Variants in ADAM22 observed in about 807,000 individuals in gnomAD.
ADAM22 encodes the protein disintegrin and metalloproteinase domain-containing protein 22.
In ADAM22, 65 loss-of-function variants were observed where a neutral mutation model predicts 144.6. That is an observed-to-expected ratio of 0.45 (90% CI 0.37 to 0.55). The LOEUF is 0.55. ADAM22 is among the 20% of genes least tolerant of loss of function. The probability of loss-of-function intolerance (pLI) is 0.00; values close to 1 mark genes in which losing one functional copy is unlikely to be tolerated. For synonymous variants in ADAM22, 391 were observed against 412.6 expected, an observed-to-expected ratio of 0.95 and a Z score of 0.63; for missense variants, 974 against 1,184.9, an observed-to-expected ratio of 0.82 and a Z score of 2.61.
intron 3 of ADAM22, among the ~76,000 whole-genome samples, chr7:88,025,608 A>G (rs1798834325): frequency 6.6e-6 from 1 of 152,134 alleles, no homozygotes; most frequent in Non-Finnish European, 1.5e-5. Context: ...TCCCAGCACC[A>G]TTTATTGAAG....
chr7:88,200,648 C>A lies in ADAM22; in HGVS notation c.*4157C>A, dbSNP rs1214263505. ...TTTTCTAAAACTGCCACCTAAATAC[C>A]TTTCCACTCCGTTAAATGTATGGAG... is the stretch of plus-strand genomic sequence containing the variant. On this transcript the variant is annotated 3_prime_UTR_variant, in exon 32 of 32. Transcript: ENST00000413139. 1 of 152,184 alleles carries A rather than the reference C, an allele frequency of 6.6e-6. No individual in the cohort carries two copies. The highest frequency in any genetic ancestry group is 1.5e-5 in the Non-Finnish European group (1 of 68,038). The allele number at this position is 152,184 out of a possible 1,614,324, so 9.4% of individuals were successfully genotyped here.
At chr7:88,056,717 T>C (rs1259696218) in intron 3 of ADAM22, among the ~76,000 whole-genome samples, 1 of 152,232 alleles carries the variant, frequency 6.6e-6, no homozygotes, top group African/African-American at 2.4e-5. Context: ...GCAAAAAATT[T>C]AGTAATTTTC....
Position 88,163,131 on chromosome 7 carries a change from T to A in ADAM22, c.2027T>A (p.Phe676Tyr), listed in dbSNP as rs1401213781. 6.2e-7 allele frequency: 1 copy of A among 1,612,094 alleles called. No individual in the cohort carries two copies. Among genetic ancestry groups the A allele is most frequent in the Non-Finnish European group, 8.5e-7 (1 of 1,179,012 alleles). The change falls in exon 23 of 32, where the codon TTT becomes TAT. Residue 676 changes from phenylalanine (F) to tyrosine (Y), a missense_variant. This residue lies in a region of ADAM22 where 734 missense variants were observed against 950.6 expected (regional missense o/e 0.77). Transcript: ENST00000413139. ...HRCLPVASFNFSTCLSSKEGT... is the reference protein window; with the variant it reads ...HRCLPVASFNYSTCLSSKEGT... ...TGTCTTCCTGTGGCTTCTTTCAACT[T>A]TAGTACTTGCTTGAGCAGTAAAGAA...
At chr7:87,937,688 G>C (rs190402818) in intron 2 of ADAM22, among the ~76,000 whole-genome samples, 199 of 152,182 alleles carry the variant, frequency 1.3e-3, no homozygotes, top group African/African-American at 4.7e-3. Flanking sequence ...AGCTATTTTG[G>C]GTTCATAGAG....
At chr7:88,028,272 A>G (rs1036430149) in intron 3 of ADAM22, among the ~76,000 whole-genome samples, 1 of 151,980 alleles carries the variant, frequency 6.6e-6, no homozygotes. Flanking sequence ...TTTAATTTCC[A>G]TGTGTTTGTA....
At chr7:88,011,714 T>TTC (rs139701122) in intron 3 of ADAM22, among the ~76,000 whole-genome samples, 19 of 148,702 alleles carry the variant, frequency 1.3e-4, no homozygotes, top group Non-Finnish European at 1.3e-4. Context: ...TTCTTTCTCT[T>TTC]TCTCTCTCTC....
At position 88,174,076 on chromosome 7, in the gene ADAM22, C is replaced by T. The variant is rs189969403; in HGVS notation, c.2300+2515C>T. ...CAGATTCTTAATACTGTTGTAATGG[C>T]TCAGAAGTACCAAAATGGGCATAAC... On this transcript the variant is annotated intron_variant, in intron 26 of 31. Coordinates refer to ENST00000413139, the MANE Select transcript of ADAM22 (RefSeq NM_001324418.2). Among the ~76,000 whole-genome samples, 13 of 152,198 alleles carry T rather than the reference C, an allele frequency of 8.5e-5. No individual in the cohort carries two copies. In the East Asian group the frequency reaches 1.9e-3, roughly 23 times the overall value.
At chr7:88,026,664 T>C (rs975050811) in intron 3 of ADAM22, among the ~76,000 whole-genome samples, 2 of 152,244 alleles carry the variant, frequency 1.3e-5, no homozygotes, top group African/African-American at 4.8e-5. Context: ...TTATATAATC[T>C]GCACACAAGG....
intron 4 of ADAM22, among the ~76,000 whole-genome samples, chr7:88,106,867 CT>C (rs1824535428): frequency 1.3e-5 from 2 of 152,236 alleles, no homozygotes; most frequent in East Asian, 3.9e-4. Context: ...AGGTGACATC[CT>C]AAGATGGCAG....
At chr7:88,098,584 T>TA (rs1018837337) in intron 4 of ADAM22, among the ~76,000 whole-genome samples, 3 of 152,156 alleles carry the variant, frequency 2.0e-5, no homozygotes, top group Admixed American at 6.5e-5. Context: ...GGTATAGACA[T>TA]AGAGACACAG....
chr7:87,986,427 A>G (rs1788504868), intron 3 of ADAM22, among the ~76,000 whole-genome samples: 1 of 152,188 alleles, frequency 6.6e-6, no homozygotes, highest in African/African-American at 2.4e-5. Flanking sequence ...TGTGTCTGGC[A>G]AAGAGCTAGA....
In ADAM22 at chr7:88,118,768, C is replaced by A. The variant is rs1302842618; in HGVS notation, c.607+1954C>A. Among the ~76,000 whole-genome samples the A allele has an allele frequency of 2.0e-5, 3 of 151,492 alleles. No individual in the cohort carries two copies. The East Asian group carries it at 5.8e-4, about 29-fold the overall frequency. On this transcript the variant is annotated intron_variant, in intron 7 of 31. Coordinates refer to ENST00000413139, the MANE Select transcript of ADAM22 (RefSeq NM_001324418.2). ...CTGTTATTAAAATGATTTTTAGACA[C>A]ATTCTTTAAAAACTCAGGTCTGTTT... is the stretch of plus-strand genomic sequence containing the variant.
At chr7:88,094,369 C>T (rs1820707666) in intron 4 of ADAM22, among the ~76,000 whole-genome samples, 1 of 152,026 alleles carries the variant, frequency 6.6e-6, no homozygotes, top group African/African-American at 2.4e-5. Context: ...TTCAGGTAGT[C>T]AAATCAGCAT....
chr7:88,131,169 C>A, intron 10 of ADAM22, 100 bp from the exon 11 acceptor site: 1 of 995,524 alleles, frequency 1.0e-6, no homozygotes, highest in Non-Finnish European at 1.5e-6. Context: ...TTAACTAAAA[C>A]TCAAAGAAGT....
chr7:88,048,165 A>G (rs1805190859), intron 3 of ADAM22, among the ~76,000 whole-genome samples: 1 of 152,100 alleles, frequency 6.6e-6, no homozygotes, highest in Non-Finnish European at 1.5e-5. Flanking sequence ...TGTTTATTTT[A>G]TAAAAATTTT....
intron 3 of ADAM22, among the ~76,000 whole-genome samples, chr7:87,986,611 A>C (rs1788554515): frequency 6.6e-6 from 1 of 152,200 alleles, no homozygotes; most frequent in African/African-American, 2.4e-5. Context: ...AGTTAGCTCT[A>C]TTATAAGGAT....
chr7:87,952,311 G>A (rs1311047870), intron 2 of ADAM22, among the ~76,000 whole-genome samples: 2 of 151,576 alleles, frequency 1.3e-5, no homozygotes, highest in African/African-American at 4.8e-5. Context: ...TTTGAGATAC[G>A]TCCCATCAAT....
chr7:87,950,469 C>T (rs1319734919), intron 2 of ADAM22, among the ~76,000 whole-genome samples: 1 of 148,806 alleles, frequency 6.7e-6, no homozygotes, highest in African/African-American at 2.5e-5. Context: ...GACATGAACT[C>T]ATCATTTTTT....
At chr7:88,111,964 A>G (rs1202346890) in intron 5 of ADAM22, among the ~76,000 whole-genome samples, 1 of 152,210 alleles carries the variant, frequency 6.6e-6, no homozygotes, top group East Asian at 1.9e-4. Flanking sequence ...TATAAGGATA[A>G]ATAACACTCA....
Sources: allele counts gnomAD v4.1 joint callset (sites outside exome capture counted in the v4.1 genomes callset), GRCh38; gene constraint gnomAD v4.1.1; regional missense constraint gnomAD v4.1.1; transcripts MANE v1.5; gene names NCBI Gene and HGNC (gene_info 2026-07-23, HGNC 2026-07-21).